Variants in B3GALT1 observed in about 807,000 individuals in gnomAD.
B3GALT1 encodes beta-1,3-galactosyltransferase 1, also known as UDP-Gal:betaGlcNAc beta 1,3-galactosyltransferase, polypeptide 1.
B3GALT1 carries 10 observed loss-of-function variants against 23.2 expected under a neutral mutation model. The observed-to-expected ratio is 0.43, with a 90% CI of 0.27 to 0.73. The LOEUF (loss-of-function observed/expected upper bound fraction) is 0.73. Among genes scored for constraint, B3GALT1 ranks in the 30% least tolerant of loss-of-function variants. The probability of loss-of-function intolerance (pLI) is 0.21; values close to 1 mark genes in which losing one functional copy is unlikely to be tolerated. For synonymous variants in B3GALT1, 156 were observed against 141.5 expected (o/e 1.10, Z -0.73); for missense variants, 299 against 405.4 (o/e 0.74, Z 2.25).
At chr2:167,704,538 A>T (rs569880199) in intron 3 of B3GALT1, among the ~76,000 whole-genome samples, 4 of 145,432 alleles carry the variant, frequency 2.8e-5, no homozygotes, top group South Asian at 2.2e-4. Context: ...AGCCTACTTT[A>T]AAAAAAAAAA....
At chr2:167,702,723 T>TATAATAAAACGGAAA (rs1686899648) in intron 3 of B3GALT1, among the ~76,000 whole-genome samples, 1 of 152,182 alleles carries the variant, frequency 6.6e-6, no homozygotes, top group Non-Finnish European at 1.5e-5. Context: ...ACGGAAACAG[T>TATAATAAAACGGAAA]GTTACTTGAT....
intron 1 of B3GALT1, among the ~76,000 whole-genome samples, chr2:167,365,837 C>T (rs1697576676): frequency 6.6e-6 from 1 of 152,010 alleles, no homozygotes; most frequent in African/African-American, 2.4e-5. Flanking sequence ...TTATTGAATG[C>T]CTCTATAGTA....
intron 3 of B3GALT1, among the ~76,000 whole-genome samples, chr2:167,745,148 A>G (rs1299918283): frequency 6.6e-6 from 1 of 151,584 alleles, no homozygotes. Flanking sequence ...AGTTATCTTT[A>G]TGAATTTGGT....
At chr2:167,711,195 C>G (rs1687042466) in intron 3 of B3GALT1, among the ~76,000 whole-genome samples, 1 of 152,130 alleles carries the variant, frequency 6.6e-6, no homozygotes, top group Non-Finnish European at 1.5e-5. Context: ...CTAATCAATC[C>G]CATCTCCACT....
intron 3 of B3GALT1, among the ~76,000 whole-genome samples, chr2:167,696,807 C>T (rs1196716130): frequency 6.6e-6 from 1 of 152,138 alleles, no homozygotes; most frequent in Non-Finnish European, 1.5e-5. Flanking sequence ...AAGACTCGTC[C>T]ATCTCTTCTA....
intron 4 of B3GALT1, among the ~76,000 whole-genome samples, chr2:167,851,661 A>C (rs1189749565): frequency 1.3e-5 from 2 of 152,216 alleles, no homozygotes; most frequent in East Asian, 3.8e-4. Context: ...CATTAGAAAA[A>C]CTTCTTTCAG....
chr2:167,771,672 T>C (rs139851206), intron 3 of B3GALT1, among the ~76,000 whole-genome samples: 3,940 of 152,350 alleles, frequency 0.026, 64 homozygotes, highest in South Asian at 0.04. Flanking sequence ...ATTTGGCCTT[T>C]GAATGTATTG....
At chr2:167,488,699 G>A (rs919868891) in intron 1 of B3GALT1, among the ~76,000 whole-genome samples, 6 of 152,154 alleles carry the variant, frequency 3.9e-5, no homozygotes, top group Admixed American at 3.9e-4. Context: ...ATCCAATCAA[G>A]ATAGAGAATT....
intron 3 of B3GALT1, among the ~76,000 whole-genome samples, chr2:167,706,028 G>C (rs1686962354): frequency 1.3e-5 from 2 of 152,172 alleles, no homozygotes; most frequent in Admixed American, 1.3e-4. Flanking sequence ...AAGCAATCTA[G>C]GTTTGGGATT....
At chr2:167,752,390 A>G (rs907682332) in intron 3 of B3GALT1, among the ~76,000 whole-genome samples, 15 of 152,212 alleles carry the variant, frequency 9.9e-5, no homozygotes, top group Admixed American at 9.8e-4. Flanking sequence ...AATACTTAAT[A>G]GTAATTTTAT....
At chr2:167,364,976 G>A (rs1697564801) in intron 1 of B3GALT1, among the ~76,000 whole-genome samples, 1 of 152,124 alleles carries the variant, frequency 6.6e-6, no homozygotes, top group Non-Finnish European at 1.5e-5. Context: ...TTATTGGTAG[G>A]TGGACGTTTT....
chr2:167,297,935 G>A (rs1696381947), intron 1 of B3GALT1, among the ~76,000 whole-genome samples: 1 of 152,122 alleles, frequency 6.6e-6, no homozygotes, highest in South Asian at 2.1e-4. Context: ...AGTTTTAGGA[G>A]ATGGAGAAAG....
At chr2:167,322,272 T>A (rs1696825943) in intron 1 of B3GALT1, among the ~76,000 whole-genome samples, 1 of 151,544 alleles carries the variant, frequency 6.6e-6, no homozygotes, top group African/African-American at 2.4e-5. Context: ...AGAACATTCC[T>A]AAAAATATAT....
intron 1 of B3GALT1, among the ~76,000 whole-genome samples, chr2:167,377,248 G>A (rs1697779826): frequency 6.6e-6 from 1 of 152,058 alleles, no homozygotes. Context: ...TTGCTTTAAT[G>A]GCCAAGTATG....
intron 4 of B3GALT1, among the ~76,000 whole-genome samples, chr2:167,830,472 G>A (rs186048702): frequency 1.3e-5 from 2 of 152,112 alleles, no homozygotes; most frequent in African/African-American, 4.8e-5. Flanking sequence ...TGAAAAGTTT[G>A]TACATTAATT....
chr2:167,294,060 AGGTACTGGTAGC>A (rs1696305291), intron 1 of B3GALT1, among the ~76,000 whole-genome samples: 1 of 152,164 alleles, frequency 6.6e-6, no homozygotes, highest in Non-Finnish European at 1.5e-5. Flanking sequence ...TCCCACTCTG[AGGTACTGGTAGC>A]GGCTCCTCCT....
At chr2:167,426,425 C>G (rs1432583947) in intron 1 of B3GALT1, among the ~76,000 whole-genome samples, 1 of 152,066 alleles carries the variant, frequency 6.6e-6, no homozygotes, top group South Asian at 2.1e-4. Context: ...CAGGCGCCCA[C>G]CACCATGCCT....
chr2:167,506,384 A>T (rs1016923238), intron 2 of B3GALT1, among the ~76,000 whole-genome samples: 1 of 152,224 alleles, frequency 6.6e-6, no homozygotes, highest in Admixed American at 6.5e-5. Context: ...AATACTTCTT[A>T]AAAAGATGAT....
At chr2:167,466,939 G>A (rs1428163266) in intron 1 of B3GALT1, among the ~76,000 whole-genome samples, 1 of 143,260 alleles carries the variant, frequency 7.0e-6, no homozygotes, top group Non-Finnish European at 1.5e-5. Flanking sequence ...ATGTTGCCCA[G>A]GTGGTCTCAA....
Sources: allele counts gnomAD v4.1 joint callset (sites outside exome capture counted in the v4.1 genomes callset), GRCh38; gene constraint gnomAD v4.1.1; transcripts MANE v1.5; gene names NCBI Gene and HGNC (gene_info 2026-07-23, HGNC 2026-07-21).